SLC22A23: variants seen among roughly 807,000 people sequenced by gnomAD.
SLC22A23 encodes the protein solute carrier family 22 member 23.
In SLC22A23, 26 loss-of-function variants were observed where a neutral mutation model predicts 61.0. That is an observed-to-expected ratio of 0.43 (90% CI 0.31 to 0.59). The LOEUF (loss-of-function observed/expected upper bound fraction) is 0.59. SLC22A23 is among the 20% of genes least tolerant of loss of function. SLC22A23 has a pLI of 0.11. For missense variants in SLC22A23, 796 were observed against 934.7 expected (o/e 0.85, Z 1.94); for synonymous variants, 430 against 413.9 (o/e 1.04, Z -0.47).
At chr6:3,282,337 A>T (rs1759544868) in intron 9 of SLC22A23, 4 of 702,312 alleles carry the variant, frequency 5.7e-6, no homozygotes, top group South Asian at 1.5e-5. Flanking sequence ...GAAGGTAGGG[A>T]CAGGATGAGT....
At chr6:3,344,928 G>A (rs1764338608) in intron 3 of SLC22A23, among the ~76,000 whole-genome samples, 1 of 115,614 alleles carries the variant, frequency 8.6e-6, no homozygotes, top group East Asian at 3.0e-4. Flanking sequence ...TCCTAGTCTT[G>A]ATGTTCAAGA....
At chr6:3,395,515 A>T (rs971916735) in intron 3 of SLC22A23, among the ~76,000 whole-genome samples, 3 of 152,242 alleles carry the variant, frequency 2.0e-5, no homozygotes, top group African/African-American at 7.2e-5. Context: ...CTAACTGCAT[A>T]TTTAATTATT....
At chr6:3,348,781 C>G (rs564702461) in intron 3 of SLC22A23, among the ~76,000 whole-genome samples, 4 of 152,296 alleles carry the variant, frequency 2.6e-5, no homozygotes, top group African/African-American at 9.6e-5. Context: ...AGAAAGTCAC[C>G]AAATCTTACA....
intron 3 of SLC22A23, among the ~76,000 whole-genome samples, chr6:3,352,483 A>G (rs1011266352): frequency 7.2e-5 from 11 of 152,162 alleles, no homozygotes; most frequent in African/African-American, 2.7e-4. Flanking sequence ...ACATACACAC[A>G]TAGGCATACT....
At position 3,308,407 on chromosome 6, in the gene SLC22A23, A is replaced by C. The variant is rs1042741732; in HGVS notation, c.1083-10189T>G. ...CTATGACACACTGCCCCCACATCAC[A>C]GTGAAAAATGCCAGTCTCACTCTAA... is the stretch of plus-strand genomic sequence containing the variant. On this transcript the variant is annotated intron_variant, in intron 4 of 9. Transcript: ENST00000406686. This position sits in a 1 kb window ranked among gnomAD's most constrained non-coding sequence, Gnocchi z 5.1. 3.9e-5 allele frequency among the ~76,000 whole-genome samples: 6 copies of C among 152,096 alleles called. No individual in the cohort carries two copies. The highest frequency in any genetic ancestry group is 1.4e-4 in the African/African-American group (6 of 41,414).
intron 4 of SLC22A23, among the ~76,000 whole-genome samples, chr6:3,315,620 C>T (rs559441466): frequency 2.0e-5 from 3 of 152,226 alleles, no homozygotes; most frequent in African/African-American, 7.2e-5. Flanking sequence ...AATCCCAGCA[C>T]TTTGGGAGGC....
chr6:3,423,635 C>A (rs902733499), intron 1 of SLC22A23, among the ~76,000 whole-genome samples: 14 of 152,164 alleles, frequency 9.2e-5, no homozygotes, highest in African/African-American at 2.4e-4. Context: ...AGGAACCCCA[C>A]AGATCCCTTA....
rs1430796214 is a variant in SLC22A23, at chr6:3,410,361, A to G, written c.759-19T>C. ...GCCGACCCTGCATATGGAGAGGGAA[A>G]AAGTTAGGAATCATTGTGAAACAAG... is the stretch of plus-strand genomic sequence containing the variant. On this transcript the variant is annotated intron_variant, in intron 2 of 9. Coordinates refer to ENST00000406686, the MANE Select transcript of SLC22A23 (RefSeq NM_015482.2). The surrounding 1 kb of genome is among the most constrained non-coding windows in gnomAD (Gnocchi z 5.0). 1.3e-6 allele frequency: 2 copies of G among 1,565,768 alleles called. No homozygotes were observed. Among genetic ancestry groups the G allele is most frequent in the Admixed American group, 2.0e-5 (1 of 51,248 alleles).
At chr6:3,446,165 C>A (rs142265251) in intron 1 of SLC22A23, among the ~76,000 whole-genome samples, 1 of 152,176 alleles carries the variant, frequency 6.6e-6, no homozygotes, top group African/African-American at 2.4e-5. Context: ...GAAAGGCCAG[C>A]GCCAGGGAGA....
chr6:3,446,901 C>T lies in SLC22A23; in HGVS notation c.654+9005G>A, dbSNP rs540581769. 1.1e-4 allele frequency among the ~76,000 whole-genome samples: 16 copies of T among 152,274 alleles called. No homozygotes were observed. The South Asian group carries it at 2.7e-3, about 26-fold the overall frequency. On this transcript the variant is annotated intron_variant, in intron 1 of 9. Transcript: ENST00000406686. ...CTAAGGGCATCTCCCTGGTATCTCC[C>T]GAGAGTGTCTGCCTCCCCGTCAGCC...
rs1041673693 is a variant in SLC22A23 at position 3,410,835 on chromosome 6, C to A, written c.759-493G>T. Among the ~76,000 whole-genome samples, 1 of 152,090 alleles carries A rather than the reference C, an allele frequency of 6.6e-6. No individual in the cohort carries two copies. The highest frequency in any genetic ancestry group is 2.4e-5 in the African/African-American group (1 of 41,398). On this transcript the variant is annotated intron_variant, in intron 2 of 9. Transcript: ENST00000406686. This position sits in a 1 kb window ranked among gnomAD's most constrained non-coding sequence, Gnocchi z 5.0. ...TACCTGATCCTACACACAGCCTATC[C>A]GAGCCAGGGCCAAGCCATCTGTCAA...
chr6:3,432,423 T>C (rs1770928179), intron 1 of SLC22A23: 1 of 979,574 alleles, frequency 1.0e-6, no homozygotes, highest in South Asian at 4.7e-5. Context: ...TCTTCCTTGC[T>C]GTTGTGTACA....
chr6:3,323,820 CAG>C lies in SLC22A23; in HGVS notation c.1082+12_1082+13del. On this transcript the variant is annotated intron_variant, in intron 4 of 9. Transcript: ENST00000406686. ...AGTCGCACCAGCCCAGGGCGCTGTGCAGAGTGTACTCACGACCAGTAGAGCAG... is the reference window on the plus strand; with the variant it reads ...AGTCGCACCAGCCCAGGGCGCTGTGCAGTGTACTCACGACCAGTAGAGCAG... The C allele has an allele frequency of 2.5e-6, 4 of 1,610,032 alleles. No individual in the cohort carries two copies. The highest frequency in any genetic ancestry group is 3.4e-6 in the Non-Finnish European group (4 of 1,177,400).
chr6:3,380,699 G>T lies in SLC22A23; in HGVS notation c.913+29489C>A, dbSNP rs188536495. On this transcript the variant is annotated intron_variant, in intron 3 of 9. Coordinates refer to ENST00000406686, the MANE Select transcript of SLC22A23 (RefSeq NM_015482.2). ...ACGGGGAAAACTGCAGTGAGTTTGT[G>T]TATCAGCCACAAGCTGTGTTGCACT... 8.9e-4 allele frequency among the ~76,000 whole-genome samples: 136 copies of T among 152,216 alleles called. No individual in the cohort carries two copies. In the Middle Eastern group the frequency reaches 0.02, roughly 23 times the overall value.
intron 1 of SLC22A23, among the ~76,000 whole-genome samples, chr6:3,425,807 C>A (rs1363633820): frequency 6.6e-6 from 1 of 152,132 alleles, no homozygotes; most frequent in Non-Finnish European, 1.5e-5. Flanking sequence ...GATGCTAGTC[C>A]AAGATCAAGT....
intron 3 of SLC22A23, among the ~76,000 whole-genome samples, chr6:3,385,478 T>C (rs1343285431): frequency 1.3e-5 from 2 of 152,148 alleles, no homozygotes; most frequent in African/African-American, 4.8e-5. Context: ...ATGGTGCCAC[T>C]GCACTCTAGC....
Position 3,309,647 on chromosome 6 carries a change from G to A in SLC22A23, c.1083-11429C>T, listed in dbSNP as rs1268760295. Among the ~76,000 whole-genome samples the A allele has an allele frequency of 6.6e-6, 1 of 151,670 alleles. No individual in the cohort carries two copies. Among genetic ancestry groups the A allele is most frequent in the Non-Finnish European group, 1.5e-5 (1 of 68,028 alleles). On this transcript the variant is annotated intron_variant, in intron 4 of 9. Coordinates refer to ENST00000406686, the MANE Select transcript of SLC22A23 (RefSeq NM_015482.2). The surrounding 1 kb of genome is among the most constrained non-coding windows in gnomAD (Gnocchi z 4.7). Reference sequence around the variant, plus strand: ...GGTGGCAGGAGGCAGCGGGCCAGCTGCACACAGGCGTTCCAGCCTCCTTGG... The same window carrying A: ...GGTGGCAGGAGGCAGCGGGCCAGCTACACACAGGCGTTCCAGCCTCCTTGG...
chr6:3,289,661 TC>T, intron 6 of SLC22A23, 102 bp downstream of exon 6: 1 of 907,544 alleles, frequency 1.1e-6, no homozygotes, highest in Non-Finnish European at 1.7e-6. Flanking sequence ...CCCTTAGGAT[TC>T]CAAGTTCAGC....
intron 1 of SLC22A23, among the ~76,000 whole-genome samples, chr6:3,431,468 T>C (rs1770858680): frequency 6.6e-6 from 1 of 152,148 alleles, no homozygotes; most frequent in Non-Finnish European, 1.5e-5. Flanking sequence ...CATCTATGGG[T>C]GGGCATGAAG....
Sources: allele counts gnomAD v4.1 joint callset (sites outside exome capture counted in the v4.1 genomes callset), GRCh38; gene constraint gnomAD v4.1.1; non-coding constraint Gnocchi (gnomAD v3.1); transcripts MANE v1.5; gene names NCBI Gene and HGNC (gene_info 2026-07-23, HGNC 2026-07-21).